METTL9: variants seen among roughly 807,000 people sequenced by gnomAD.
METTL9 encodes the protein methyltransferase 9, His-X-His N1(pi)-histidine.
In METTL9, 10 loss-of-function variants were observed where a neutral mutation model predicts 36.0. The observed-to-expected ratio is 0.28, with a 90% CI of 0.17 to 0.47. The LOEUF (loss-of-function observed/expected upper bound fraction) is 0.47, where lower values mean the gene tolerates loss of function less well. Ranked by LOEUF, METTL9 falls within the 20% of genes least tolerant of loss-of-function variation. METTL9 has a pLI of 0.99. For synonymous variants in METTL9, 175 were observed against 149.7 expected (o/e 1.17, Z -1.23); for missense variants, 246 against 383.5 (o/e 0.64, Z 3.00).
At chr16:21,649,782 T>C (rs779707155) in intron 4 of METTL9, among the ~76,000 whole-genome samples, 1 of 152,188 alleles carries the variant, frequency 6.6e-6, no homozygotes, top group Non-Finnish European at 1.5e-5. Context: ...TTGGCTAACT[T>C]ACTGTAGCCT....
intron 4 of METTL9, chr16:21,643,073 C>T: frequency 6.3e-7 from 1 of 1,592,286 alleles, no homozygotes; most frequent in Non-Finnish European, 8.6e-7. Flanking sequence ...TTTACACTTA[C>T]AGATTGCTGA....
chr16:21,604,619 G>C lies in METTL9; in HGVS notation c.165+4721G>C, dbSNP rs149806407. Among the ~76,000 whole-genome samples the C allele has an allele frequency of 2.2e-4, 33 of 152,286 alleles. No homozygotes were observed. The East Asian group carries it at 5.8e-3, about 27-fold the overall frequency. On this transcript the variant is annotated intron_variant, in intron 1 of 4. Coordinates refer to ENST00000358154, the MANE Select transcript of METTL9 (RefSeq NM_016025.5). ...TATTGTTTGTGGGAAAATGGTGAAT[G>C]GTCTGAATATTTACGCCTATGCTGT...
chr16:21,631,745 A>C (rs1438691910), intron 4 of METTL9, among the ~76,000 whole-genome samples: 1 of 152,058 alleles, frequency 6.6e-6, no homozygotes, highest in Non-Finnish European at 1.5e-5. Flanking sequence ...CAGTGGCCTC[A>C]GTGCTTTCGC....
Position 21,633,638 on chromosome 16 carries a change from C to CA in METTL9, c.751+8525dup, listed in dbSNP as rs139908727. 8.8e-3 allele frequency among the ~76,000 whole-genome samples: 1,332 copies of CA among 152,200 alleles called. 44 individuals are homozygous for CA. The highest frequency in any genetic ancestry group is 0.082 in the East Asian group (424 of 5,180). ...GAGAGCAGGGTATAGGGGTTGGGTA[C>CA]AACTGGATATAGAGGAATTACTGCC... On this transcript the variant is annotated intron_variant, in intron 4 of 4. Coordinates refer to ENST00000358154, the MANE Select transcript of METTL9 (RefSeq NM_016025.5).
chr16:21,631,216 G>C (rs1459256090), intron 4 of METTL9, among the ~76,000 whole-genome samples: 1 of 152,144 alleles, frequency 6.6e-6, no homozygotes, highest in Non-Finnish European at 1.5e-5. Context: ...ATAAATAGGG[G>C]TATTAGTTGT....
In METTL9 at chr16:21,599,586, C is replaced by T. The variant is rs1249784178; in HGVS notation, c.-148C>T. On this transcript the variant is annotated 5_prime_UTR_variant, in exon 1 of 5. Transcript: ENST00000358154. This position sits in a 1 kb window ranked among gnomAD's most constrained non-coding sequence, Gnocchi z 4.4. ...TGCGCGCCGGCTGCTCCTCCCCACC[C>T]CCAGCCTTTGCCCTGAAGGGGGCTG... 3.5e-5 allele frequency: 46 copies of T among 1,303,406 alleles called. No homozygotes were observed. Among genetic ancestry groups the T allele is most frequent in the Non-Finnish European group, 4.3e-5 (44 of 1,031,114 alleles). The allele number at this position is 1,303,406 out of a possible 1,614,324, so 80.7% of individuals were successfully genotyped here. A position where few individuals can be genotyped will look rare whatever the true frequency, so the allele number is the denominator to read the frequency against.
Position 21,646,956 on chromosome 16 carries a change from T to C in METTL9, c.752-8271T>C, listed in dbSNP as rs1966444192. On this transcript the variant is annotated intron_variant, in intron 4 of 4. Transcript: ENST00000358154. ...GGTGTGAGCCACCACGCCCAGCCAG[T>C]TGGAGTAGTTCTTTAGTCCAAACCT... is the stretch of plus-strand genomic sequence containing the variant. The C allele has an allele frequency of 3.5e-5, 28 of 789,166 alleles. 1 individual carries two copies. The South Asian group carries it at 3.8e-4, about 11-fold the overall frequency. 48.9% of individuals were successfully genotyped at this position (789,166 alleles called of 1,614,324 possible).
chr16:21,606,541 G>A (rs1004358486), intron 1 of METTL9, among the ~76,000 whole-genome samples: 14 of 152,036 alleles, frequency 9.2e-5, no homozygotes, highest in Admixed American at 9.2e-4. Context: ...TAGTTTAGGG[G>A]TGTCATTACA....
At chr16:21,635,182 T>G (rs1966058012) in intron 4 of METTL9, among the ~76,000 whole-genome samples, 1 of 152,158 alleles carries the variant, frequency 6.6e-6, no homozygotes, top group Non-Finnish European at 1.5e-5. Flanking sequence ...CCTATCATGA[T>G]CATCTGAAAA....
chr16:21,630,936 C>T (rs1229657306), intron 4 of METTL9, among the ~76,000 whole-genome samples: 10 of 152,134 alleles, frequency 6.6e-5, no homozygotes, highest in Non-Finnish European at 1.5e-4. Flanking sequence ...GGCGGCATCT[C>T]GTACTATCCC....
intron 3 of METTL9, among the ~76,000 whole-genome samples, chr16:21,619,672 G>A (rs1210084925): frequency 6.8e-6 from 1 of 148,136 alleles, no homozygotes; most frequent in Non-Finnish European, 1.5e-5. Flanking sequence ...TGCTGACCTC[G>A]TGATCTGCCT....
rs954077241 is a variant in METTL9 at position 21,626,992 on chromosome 16, C to G, written c.751+1877C>G. ...GGAAGTCTCCATGAAGTGTGGAAAA[C>G]AAGCTCCTTGATTGTGGATGTGCAG... On this transcript the variant is annotated intron_variant, in intron 4 of 4. Transcript: ENST00000358154. 3 of 985,296 alleles carry G rather than the reference C, an allele frequency of 3.0e-6. No homozygotes were observed. The African/African-American group carries it at 5.2e-5, about 17-fold the overall frequency. 61.0% of individuals were successfully genotyped at this position (985,296 alleles called of 1,614,324 possible).
intron 1 of METTL9, among the ~76,000 whole-genome samples, chr16:21,607,936 G>A (rs1965331381): frequency 6.6e-6 from 1 of 152,168 alleles, no homozygotes; most frequent in Admixed American, 6.5e-5. Flanking sequence ...ATCACCTGAG[G>A]TCAGGAGATC....
intron 4 of METTL9, among the ~76,000 whole-genome samples, chr16:21,631,114 C>T (rs1208312364): frequency 6.6e-6 from 1 of 152,152 alleles, no homozygotes; most frequent in African/African-American, 2.4e-5. Flanking sequence ...TGCAAACTAT[C>T]TGAGAAATCC....
At chr16:21,626,453 G>C (rs2141590314) in intron 4 of METTL9, among the ~76,000 whole-genome samples, 1 of 152,234 alleles carries the variant, frequency 6.6e-6, no homozygotes, top group South Asian at 2.1e-4. Context: ...AGTGCCTTCA[G>C]ATTTAATGCT....
intron 2 of METTL9, among the ~76,000 whole-genome samples, chr16:21,614,375 G>A (rs1965503155): frequency 6.6e-6 from 1 of 151,990 alleles, no homozygotes; most frequent in South Asian, 2.1e-4. Flanking sequence ...ATGATTTTGG[G>A]GGCTTCAAAC....
chr16:21,621,110 C>T (rs1359411968), intron 3 of METTL9, among the ~76,000 whole-genome samples: 3 of 151,884 alleles, frequency 2.0e-5, no homozygotes, highest in African/African-American at 7.3e-5. Flanking sequence ...GCTGGGACTA[C>T]AGGTGCCTGC....
Position 21,612,699 on chromosome 16 carries a change from CAG to C in METTL9, c.223_224del (p.Ser75LeufsTer3). The C allele has an allele frequency of 6.3e-7, 1 of 1,594,456 alleles. No individual in the cohort carries two copies. Among genetic ancestry groups the C allele is most frequent in the Non-Finnish European group, 8.5e-7 (1 of 1,171,826 alleles). Reference sequence around the variant, plus strand: ...CGAATCACTCCAGGCTGTCTTTGTTCAGAGTTACCTTGATCAAGGAACACAGA... The same window carrying C: ...CGAATCACTCCAGGCTGTCTTTGTTCAGTTACCTTGATCAAGGAACACAGA... ...LCESLQAVFV[Q>X]SYLDQGTQIF... is the part of the protein sequence containing the mutation. On this transcript the variant is annotated frameshift_variant, in exon 2 of 5. Transcript: ENST00000358154. LOFTEE classifies it high-confidence loss of function.
At chr16:21,643,115 C>G (rs762711923) in intron 4 of METTL9, 1 of 1,609,102 alleles carries the variant, frequency 6.2e-7, no homozygotes, top group Non-Finnish European at 8.5e-7. Flanking sequence ...TGGTATAGTT[C>G]TTGAGCAATT....
Sources: allele counts gnomAD v4.1 joint callset (sites outside exome capture counted in the v4.1 genomes callset), GRCh38; gene constraint gnomAD v4.1.1; non-coding constraint Gnocchi (gnomAD v3.1); transcripts MANE v1.5; gene names NCBI Gene and HGNC (gene_info 2026-07-23, HGNC 2026-07-21).